SHC3: variants seen among roughly 807,000 people sequenced by gnomAD.
SHC3 encodes SHC adaptor protein 3.
In SHC3, 15 loss-of-function variants were observed where a neutral mutation model predicts 60.4. The ratio of observed to expected loss-of-function variants is 0.25; its 90% CI spans 0.17 to 0.38. The LOEUF (loss-of-function observed/expected upper bound fraction) is 0.38, where lower values mean the gene tolerates loss of function less well. Ranked by LOEUF, SHC3 falls within the 10% of genes least tolerant of loss-of-function variation. The pLI is 1.00. For synonymous variants in SHC3, 294 were observed against 325.9 expected (o/e 0.90, Z 1.05); for missense variants, 677 against 786.1 (o/e 0.86, Z 1.66).
chr9:89,071,920 T>C (rs1354233684), intron 4 of SHC3, among the ~76,000 whole-genome samples: 1 of 152,202 alleles, frequency 6.6e-6, no homozygotes, highest in Non-Finnish European at 1.5e-5. Flanking sequence ...GACATTGTTG[T>C]GCATCTGGAT....
chr9:89,082,028 G>A (rs943972854), intron 2 of SHC3, among the ~76,000 whole-genome samples: 3 of 151,598 alleles, frequency 2.0e-5, no homozygotes, highest in Non-Finnish European at 2.9e-5. Context: ...GGAAACAGGC[G>A]ACCCCCTTGG....
chr9:89,026,540 A>T (rs924306867), intron 11 of SHC3, among the ~76,000 whole-genome samples: 1 of 152,206 alleles, frequency 6.6e-6, no homozygotes, highest in African/African-American at 2.4e-5. Flanking sequence ...TGTACGGATT[A>T]ATATCTTATG....
At chr9:89,042,262 C>A in intron 9 of SHC3, 78 bp from the exon 10 acceptor site, 1 of 1,430,858 alleles carries the variant, frequency 7.0e-7, no homozygotes, top group Non-Finnish European at 9.2e-7. Context: ...CAAAGAAGCT[C>A]TTCTGCCTGC....
chr9:89,124,675 C>G (rs145129501), intron 1 of SHC3, among the ~76,000 whole-genome samples: 7 of 151,712 alleles, frequency 4.6e-5, no homozygotes, highest in Non-Finnish European at 8.8e-5. Flanking sequence ...CATCACACAC[C>G]GGGGCCTGTC....
intron 6 of SHC3, among the ~76,000 whole-genome samples, chr9:89,055,370 C>T (rs755985001): frequency 6.6e-6 from 1 of 152,360 alleles, no homozygotes; most frequent in Admixed American, 6.5e-5. Context: ...CATCTAAGCA[C>T]GCTCTCAACA....
rs566935973 is a variant in SHC3 at position 89,053,016 on chromosome 9, A to G, written c.836-853T>C. 2.1e-4 allele frequency among the ~76,000 whole-genome samples: 32 copies of G among 152,330 alleles called. No individual in the cohort carries two copies. In the South Asian group the frequency reaches 6.4e-3, roughly 31 times the overall value. ...AGGGCCAGCCTCTGCCTCATAAGGA[A>G]GTAGTACTTTTTCTCCAGGGTACTG... On this transcript the variant is annotated intron_variant, in intron 6 of 11. Coordinates refer to ENST00000375835, the MANE Select transcript of SHC3 (RefSeq NM_016848.6).
chr9:89,134,629 G>C (rs1327679282), intron 1 of SHC3, among the ~76,000 whole-genome samples: 1 of 152,048 alleles, frequency 6.6e-6, no homozygotes, highest in African/African-American at 2.4e-5. Flanking sequence ...AATAGTGGCT[G>C]TCCTAAGACT....
intron 1 of SHC3, among the ~76,000 whole-genome samples, chr9:89,140,884 T>A (rs1373420418): frequency 4.6e-5 from 7 of 152,170 alleles, no homozygotes; most frequent in Non-Finnish European, 1.0e-4. Flanking sequence ...AAAACTTTTT[T>A]CAGAAAGAAC....
In SHC3 at chr9:89,168,641, T is replaced by A. The variant is rs1443569969; in HGVS notation, c.474+9346A>T. The stretch of plus-strand genomic sequence containing the variant: ...CACTCTAGAAAATACTTCTAGAGTT[T>A]ATGTATATTTTGGGGGTGAACTGTA... On this transcript the variant is annotated intron_variant, in intron 1 of 11. Transcript: ENST00000375835. Among the ~76,000 whole-genome samples, 4 of 152,292 alleles carry A rather than the reference T, an allele frequency of 2.6e-5. No homozygotes were observed. In the South Asian group the frequency reaches 8.3e-4, roughly 32 times the overall value.
intron 8 of SHC3, among the ~76,000 whole-genome samples, chr9:89,046,060 G>T (rs1168690219): frequency 7.4e-6 from 1 of 135,418 alleles, no homozygotes; most frequent in East Asian, 2.2e-4. Context: ...ATGCCCCCCC[G>T]CTTGTTTTCA....
intron 11 of SHC3, chr9:89,037,498 G>C: frequency 1.4e-6 from 1 of 715,830 alleles, no homozygotes; most frequent in South Asian, 1.5e-5. Flanking sequence ...TAGTGCCAGG[G>C]ATGGCCAACA....
chr9:89,153,129 G>A (rs1821523540), intron 1 of SHC3, among the ~76,000 whole-genome samples: 1 of 152,136 alleles, frequency 6.6e-6, no homozygotes. Flanking sequence ...TGTATGTTGT[G>A]CTCAGTAAAA....
intron 5 of SHC3, 90 bp downstream of exon 5, chr9:89,071,109 T>A (rs1825263129): frequency 1.6e-6 from 2 of 1,231,854 alleles, no homozygotes; most frequent in African/African-American, 3.0e-5. Flanking sequence ...TAACCTTTTT[T>A]ACAGTGTCTT....
At chr9:89,033,157 G>A (rs550800838) in intron 11 of SHC3, among the ~76,000 whole-genome samples, 4 of 152,034 alleles carry the variant, frequency 2.6e-5, no homozygotes, top group South Asian at 2.1e-4. Flanking sequence ...TGGTTTAATC[G>A]TATTTCCACA....
Position 89,075,137 on chromosome 9 carries a change from A to T in SHC3, c.701T>A (p.Leu234Gln). 1 of 1,614,146 alleles carries T rather than the reference A, an allele frequency of 6.2e-7. No homozygotes were observed. Among genetic ancestry groups the T allele is most frequent in the Non-Finnish European group, 8.5e-7 (1 of 1,179,988 alleles). ...SISLTISTAS[L>Q]NLRTPDSKQI... is the part of the protein sequence containing the mutation. ...TTTGGAGTCCGGAGTTCGCAGGTTC[A>T]GACTGGCCGTGGAGATGGTCAGAGA... The change falls in exon 4 of 12, where the codon CTG becomes CAG. Residue 234 changes from leucine (L) to glutamine (Q), a missense_variant. Leu to Gln is a moderately radical substitution (Grantham distance 113). Transcript: ENST00000375835.
chr9:89,022,574 T>C (rs1826221606), intron 11 of SHC3, among the ~76,000 whole-genome samples: 1 of 152,144 alleles, frequency 6.6e-6, no homozygotes, highest in African/African-American at 2.4e-5. Flanking sequence ...GACCCTTTGC[T>C]CATCATAATA....
chr9:89,037,007 A>G (rs1487296576), intron 11 of SHC3, among the ~76,000 whole-genome samples: 22 of 151,728 alleles, frequency 1.4e-4, no homozygotes, highest in Non-Finnish European at 2.9e-5. Context: ...GATAGGTTAC[A>G]TTCATGAGGA....
intron 2 of SHC3, among the ~76,000 whole-genome samples, chr9:89,106,274 G>A (rs1825858017): frequency 6.6e-6 from 1 of 152,296 alleles, no homozygotes; most frequent in Admixed American, 6.5e-5. Flanking sequence ...CCAAAGACTG[G>A]ACCAGGCAGC....
intron 6 of SHC3, among the ~76,000 whole-genome samples, chr9:89,058,934 T>C (rs1038359476): frequency 2.0e-4 from 27 of 131,790 alleles, no homozygotes; most frequent in African/African-American, 6.2e-4. Flanking sequence ...TGTTAGGACG[T>C]GGTAGAGGAC....
Sources: gnomAD v4.1 joint callset for allele counts (sites outside exome capture counted in the v4.1 genomes callset) on GRCh38, gnomAD v4.1.1 for gene constraint, MANE v1.5 for transcripts, NCBI Gene and HGNC (gene_info 2026-07-23, HGNC 2026-07-21) for gene names.